C2orf49: variants seen among roughly 807,000 people sequenced by gnomAD.
The protein encoded by C2orf49 is tRNA-splicing ligase complex subunit ASW.
In C2orf49, 11 loss-of-function variants were observed where a neutral mutation model predicts 20.6. The observed-to-expected ratio is 0.53, with a 90% confidence interval of 0.34 to 0.88. C2orf49 has a LOEUF of 0.88. C2orf49 is among the 40% of genes least tolerant of loss of function. The pLI is 0.02. For missense variants in C2orf49, 289 were observed against 274.2 expected (o/e 1.05, Z -0.38); for synonymous variants, 134 against 108.5 (o/e 1.24, Z -1.46).
rs1481638077 is a variant in C2orf49 at position 105,348,069 on chromosome 2, T to A, written c.*2698T>A. ...TATACATTTTCTTTCTCTACTTTAA[T>A]TCTCCTTCCTCCTTACTGTAGATCC... On this transcript the variant is annotated 3_prime_UTR_variant, in exon 4 of 4. Transcript: ENST00000258457. 6.6e-6 allele frequency: 1 copy of A among 152,226 alleles called. No individual in the cohort carries two copies. The highest frequency in any genetic ancestry group is 1.5e-5 in the Non-Finnish European group (1 of 68,042). 9.4% of individuals were successfully genotyped at this position (152,226 alleles called of 1,614,324 possible).
At chr2:105,367,146 C>T in the C2orf49 span, among the ~76,000 whole-genome samples, 1 of 152,222 alleles carries the variant, frequency 6.6e-6, no homozygotes. Context: ...CTTTTCTTCT[C>T]ACATCCGTCT....
chr2:105,342,503 A>T (rs1019927997), intron 2 of C2orf49, among the ~76,000 whole-genome samples: 4 of 151,852 alleles, frequency 2.6e-5, no homozygotes, highest in Non-Finnish European at 5.9e-5. Flanking sequence ...AACTGATTAC[A>T]TGGTTAAGAT....
chr2:105,374,237 T>C, the C2orf49 span: 57 of 177,966 alleles, frequency 3.2e-4, no homozygotes, highest in Middle Eastern at 2.6e-3. Context: ...CAGGAGAGAC[T>C]GTGTGTGTGG....
rs1184327485 is a variant in C2orf49 at position 105,348,377 on chromosome 2, A to C, written c.*3006A>C. 6.6e-6 allele frequency: 1 copy of C among 152,158 alleles called. No homozygotes were observed. The highest frequency in any genetic ancestry group is 1.5e-5 in the Non-Finnish European group (1 of 68,020). The allele number at this position is 152,158 out of a possible 1,614,324, so 9.4% of individuals were successfully genotyped here. A position where few individuals can be genotyped will look rare whatever the true frequency, so the allele number is the denominator to read the frequency against. On this transcript the variant is annotated 3_prime_UTR_variant, in exon 4 of 4. Coordinates refer to ENST00000258457, the MANE Select transcript of C2orf49 (RefSeq NM_024093.3). ...GGCCATAATATATTTGCTGGTATTA[A>C]AATTCTTCAGAATTGGAATTACTAT...
the C2orf49 span, among the ~76,000 whole-genome samples, chr2:105,380,223 C>T: frequency 6.6e-6 from 1 of 152,272 alleles, no homozygotes; most frequent in African/African-American, 2.4e-5. Context: ...TTCCCTAGAG[C>T]TTAGAGGTAG....
the C2orf49 span, chr2:105,363,480 A>G: frequency 6.3e-7 from 1 of 1,599,154 alleles, no homozygotes; most frequent in Non-Finnish European, 8.5e-7. Context: ...GGCTGCAGGG[A>G]CGAGGGGGAG....
the C2orf49 span, chr2:105,363,278 C>T: frequency 5.0e-6 from 8 of 1,613,348 alleles, no homozygotes; most frequent in East Asian, 1.8e-4. Flanking sequence ...AACCCCGGGA[C>T]ACTCACCGCT....
Position 105,347,530 on chromosome 2 carries a change from T to A in C2orf49, c.*2159T>A, listed in dbSNP as rs901002726. ...TTGTTGCTTCAAATTGAAGTTTATATTATGAACATTCAGAATCAATGCTCA... is the reference window on the plus strand; with the variant it reads ...TTGTTGCTTCAAATTGAAGTTTATAATATGAACATTCAGAATCAATGCTCA... On this transcript the variant is annotated 3_prime_UTR_variant, in exon 4 of 4. Transcript: ENST00000258457. 8 of 152,240 alleles carry A rather than the reference T, an allele frequency of 5.3e-5. No homozygotes were observed. Among genetic ancestry groups the A allele is most frequent in the African/African-American group, 1.7e-4 (7 of 41,458 alleles). The allele number at this position is 152,240 out of a possible 1,614,324, so 9.4% of individuals were successfully genotyped here.
At chr2:105,375,120 C>T in the C2orf49 span, 6 of 149,114 alleles carry the variant, frequency 4.0e-5, no homozygotes, top group Non-Finnish European at 5.9e-5. Context: ...AAACAGTTCT[C>T]TTTTGCTGAA....
chr2:105,353,126 ATCTT>A (rs1349706114), downstream of C2orf49, among the ~76,000 whole-genome samples: 3 of 152,028 alleles, frequency 2.0e-5, no homozygotes, highest in Admixed American at 1.3e-4. Context: ...GGCTGAACTC[ATCTT>A]TCTTTTTTTT....
chr2:105,347,375 TGA>T lies in C2orf49; in HGVS notation c.*2012_*2013del, dbSNP rs1234538861. Reference sequence around the variant, plus strand: ...CTTCCATCTGTGTTGCTCTCTTAGTTGAGAGAGAGTTAGCCATTTGACGATTT... The same window carrying T: ...CTTCCATCTGTGTTGCTCTCTTAGTTGAGAGAGTTAGCCATTTGACGATTT... On this transcript the variant is annotated 3_prime_UTR_variant, in exon 4 of 4. Transcript: ENST00000258457. 3 of 152,214 alleles carry T rather than the reference TGA, an allele frequency of 2.0e-5. No homozygotes were observed. Among genetic ancestry groups the T allele is most frequent in the Non-Finnish European group, 2.9e-5 (2 of 68,032 alleles). 9.4% of individuals were successfully genotyped at this position (152,214 alleles called of 1,614,324 possible). A position where few individuals can be genotyped will look rare whatever the true frequency, so the allele number is the denominator to read the frequency against.
At chr2:105,368,359 T>C in the C2orf49 span, among the ~76,000 whole-genome samples, 1 of 152,024 alleles carries the variant, frequency 6.6e-6, no homozygotes, top group Non-Finnish European at 1.5e-5. Flanking sequence ...CGAGACAGGG[T>C]CTCACTCTGT....
At chr2:105,376,073 G>A in the C2orf49 span, 4 of 152,248 alleles carry the variant, frequency 2.6e-5, no homozygotes, top group Non-Finnish European at 5.9e-5. Context: ...CACACGCCCC[G>A]GCTTCAAAAA....
the C2orf49 span, chr2:105,360,801 T>C: frequency 6.5e-6 from 1 of 154,466 alleles, no homozygotes. Flanking sequence ...TAATCATGAT[T>C]TCACACTCTG....
At chr2:105,382,708 T>G in the C2orf49 span, among the ~76,000 whole-genome samples, 1 of 152,124 alleles carries the variant, frequency 6.6e-6, no homozygotes, top group Non-Finnish European at 1.5e-5. Context: ...TTTTTTCTCT[T>G]TGTAGCACCC....
Position 105,346,992 on chromosome 2 carries a change from T to C in C2orf49, c.*1621T>C, listed in dbSNP as rs1043979732. The C allele has an allele frequency of 4.6e-5, 7 of 152,244 alleles. No individual in the cohort carries two copies. Among genetic ancestry groups the C allele is most frequent in the African/African-American group, 1.7e-4 (7 of 41,470 alleles). 9.4% of individuals were successfully genotyped at this position (152,244 alleles called of 1,614,324 possible). A position where few individuals can be genotyped will look rare whatever the true frequency, so the allele number is the denominator to read the frequency against. On this transcript the variant is annotated 3_prime_UTR_variant, in exon 4 of 4. Transcript: ENST00000258457. Reference sequence around the variant, plus strand: ...TGGGATTTACCTTTTTCAATATGTTTTAAAGTAGTCTTATTCCTCTTTTGA... The same window carrying C: ...TGGGATTTACCTTTTTCAATATGTTCTAAAGTAGTCTTATTCCTCTTTTGA...
In C2orf49 at chr2:105,348,673, T is replaced by G. The variant is rs766621188; in HGVS notation, c.*3302T>G. 1 of 151,856 alleles carries G rather than the reference T, an allele frequency of 6.6e-6. No homozygotes were observed. Among genetic ancestry groups the G allele is most frequent in the Non-Finnish European group, 1.5e-5 (1 of 67,962 alleles). The allele number at this position is 151,856 out of a possible 1,614,324, so 9.4% of individuals were successfully genotyped here. On this transcript the variant is annotated 3_prime_UTR_variant, in exon 4 of 4. Transcript: ENST00000258457. ...TACATGCTTGTGCAGGTTTTGTAAT[T>G]CAGTACAGAAAAGTTTAACCTTGTA...
chr2:105,349,255 G>A (rs532763323), downstream of C2orf49: 1 of 152,252 alleles, frequency 6.6e-6, no homozygotes, highest in African/African-American at 2.4e-5. Context: ...TTTTAGAGAT[G>A]AGGTCTTGCT....
chr2:105,349,274 C>G (rs1241467002), downstream of C2orf49: 1 of 152,126 alleles, frequency 6.6e-6, no homozygotes, highest in African/African-American at 2.4e-5. Context: ...CTCTGTCGCC[C>G]AGAGTGTAGT....
Sources: gnomAD v4.1 joint callset for allele counts (sites outside exome capture counted in the v4.1 genomes callset) on GRCh38, gnomAD v4.1.1 for gene constraint, MANE v1.5 for transcripts, NCBI Gene and HGNC (gene_info 2026-07-23, HGNC 2026-07-21) for gene names.